Variants in SHCBP1L observed in about 807,000 individuals in gnomAD.
SHCBP1L encodes the protein SHC binding and spindle associated 1 like.
In SHCBP1L, 67 loss-of-function variants were observed where a neutral mutation model predicts 62.5. The ratio of observed to expected loss-of-function variants is 1.07; its 90% CI spans 0.88 to 1.31. The LOEUF (loss-of-function observed/expected upper bound fraction) is 1.31, where lower values mean the gene tolerates loss of function less well. Among genes scored for constraint, SHCBP1L ranks in the 40% most tolerant of loss-of-function variants. The probability of loss-of-function intolerance (pLI) is 0.00; values close to 1 mark genes in which losing one functional copy is unlikely to be tolerated. For missense variants in SHCBP1L, 823 were observed against 809.8 expected, an observed-to-expected ratio of 1.02 and a Z score of -0.20; for synonymous variants, 284 against 289.4, an observed-to-expected ratio of 0.98 and a Z score of 0.19.
rs776543698 is a variant in SHCBP1L at position 182,939,303 on chromosome 1, G to T, written c.949C>A (p.Leu317Ile). The T allele has an allele frequency of 1.9e-6, 3 of 1,613,902 alleles. No homozygotes were observed. The highest frequency in any genetic ancestry group is 2.5e-6 in the Non-Finnish European group (3 of 1,179,930). Reference sequence around the variant, plus strand: ...TTAATATTGCTCTGATACTCAATGAGCTCGACACGTTTGTTTTTATATTTC... The same window carrying T: ...TTAATATTGCTCTGATACTCAATGATCTCGACACGTTTGTTTTTATATTTC... Reference protein sequence around the residue: ...LEKYKNKRVELIEYQSNIKED... With the variant: ...LEKYKNKRVEIIEYQSNIKED... Residue 317 changes from leucine to isoleucine, a missense_variant, in exon 5 of 10, where the codon CTC becomes ATC. By Grantham distance (5) the Leu-to-Ile change is conservative. Coordinates refer to ENST00000367547, the MANE Select transcript of SHCBP1L (RefSeq NM_030933.4).
chr1:182,947,708 A>G (rs1275760157), intron 2 of SHCBP1L, among the ~76,000 whole-genome samples: 1 of 152,184 alleles, frequency 6.6e-6, no homozygotes, highest in Non-Finnish European at 1.5e-5. Flanking sequence ...AATGAATAGT[A>G]AATATATTTT....
At chr1:182,948,036 T>A (rs1334811711) in intron 2 of SHCBP1L, among the ~76,000 whole-genome samples, 1 of 152,242 alleles carries the variant, frequency 6.6e-6, no homozygotes, top group East Asian at 1.9e-4. Flanking sequence ...AAGAATATAG[T>A]GTTTATCATA....
chr1:182,940,138 G>A (rs1651307090), intron 3 of SHCBP1L, among the ~76,000 whole-genome samples, 191 bp downstream of exon 3: 1 of 152,016 alleles, frequency 6.6e-6, no homozygotes, highest in Admixed American at 6.6e-5. Flanking sequence ...CATATATAAT[G>A]TTTCTGCAAG....
At chr1:182,940,295 T>C (rs1651313652) in intron 3 of SHCBP1L, 34 bp downstream of exon 3, 4 of 1,554,760 alleles carry the variant, frequency 2.6e-6, no homozygotes, top group Non-Finnish European at 3.5e-6. Flanking sequence ...TTGGATATAA[T>C]AAATTTAATT....
At chr1:182,937,520 G>A (rs4132813) in intron 5 of SHCBP1L, among the ~76,000 whole-genome samples, 38,567 of 151,994 alleles carry the variant, frequency 0.25, 5,643 homozygotes, top group Non-Finnish European at 0.33. Flanking sequence ...ATCCTGTTTG[G>A]TGTTCTCTGA....
At chr1:182,901,031 T>C (rs1649817609) in intron 9 of SHCBP1L, among the ~76,000 whole-genome samples, 1 of 152,174 alleles carries the variant, frequency 6.6e-6, no homozygotes, top group African/African-American at 2.4e-5. Flanking sequence ...TTTCAAATAA[T>C]ATGTGATTTG....
chr1:182,941,466 C>T (rs906905758), intron 2 of SHCBP1L, among the ~76,000 whole-genome samples: 2 of 152,028 alleles, frequency 1.3e-5, no homozygotes, highest in African/African-American at 4.8e-5. Context: ...AGCAAATTTT[C>T]TTTAAGAGGC....
At position 182,904,221 on chromosome 1, in the gene SHCBP1L, C is replaced by T. The variant is rs1465712531; in HGVS notation, c.1546G>A (p.Ala516Thr). 6.2e-7 allele frequency: 1 copy of T among 1,614,112 alleles called. No homozygotes were observed. The highest frequency in any genetic ancestry group is 1.1e-5 in the South Asian group (1 of 91,074). Residue 516 changes from alanine (A) to threonine (T), a missense_variant, in exon 8 of 10, where the codon GCT (alanine) becomes ACT (threonine). Transcript: ENST00000367547. ...EGTGVCVLTG[A>T]ALTITDSEIT... is the part of the protein sequence containing the mutation. ...TCACTGTCTGTAATTGTCAAAGCAG[C>T]CCCTGTAAGAACACACACTCCTGTT...
chr1:182,942,261 T>G, intron 2 of SHCBP1L: 1 of 1,345,336 alleles, frequency 7.4e-7, no homozygotes, highest in Admixed American at 1.7e-5. Flanking sequence ...TGCACTTTTT[T>G]GTCTGAAGAT....
chr1:182,907,854 C>T (rs897543863), intron 6 of SHCBP1L, among the ~76,000 whole-genome samples: 2 of 152,102 alleles, frequency 1.3e-5, no homozygotes, highest in African/African-American at 4.8e-5. Context: ...GCTGGGATTA[C>T]AGGCGTGAGC....
At chr1:182,911,105 G>T (rs530541634) in intron 6 of SHCBP1L, among the ~76,000 whole-genome samples, 1 of 152,090 alleles carries the variant, frequency 6.6e-6, no homozygotes, top group African/African-American at 2.4e-5. Context: ...GGCCAGGCTG[G>T]TCTCAAACTC....
intron 6 of SHCBP1L, among the ~76,000 whole-genome samples, chr1:182,918,199 TACATATATATAC>T (rs1306421209): frequency 2.2e-4 from 33 of 147,422 alleles, no homozygotes; most frequent in East Asian, 3.9e-4. Context: ...CACATATATA[TACATATATATAC>T]ACATATATAT....
intron 9 of SHCBP1L, among the ~76,000 whole-genome samples, chr1:182,902,061 CTTTTTTTTTT>C (rs1156301250): frequency 1.6e-5 from 2 of 127,576 alleles, no homozygotes; most frequent in East Asian, 2.2e-4. Context: ...CTTTTTTTTT[CTTTTTTTTTT>C]TTTTTTTGAG....
chr1:182,933,874 T>C (rs1651086750), intron 5 of SHCBP1L, among the ~76,000 whole-genome samples: 1 of 152,208 alleles, frequency 6.6e-6, no homozygotes, highest in Non-Finnish European at 1.5e-5. Flanking sequence ...TGTTACCTTT[T>C]ATTTTCTGGA....
At chr1:182,921,025 T>C (rs1478033890) in intron 6 of SHCBP1L, among the ~76,000 whole-genome samples, 3 of 151,690 alleles carry the variant, frequency 2.0e-5, no homozygotes, top group African/African-American at 4.8e-5. Context: ...AAAAGCAGAG[T>C]ACCCCTATGA....
chr1:182,943,590 G>T (rs575145845), intron 2 of SHCBP1L, among the ~76,000 whole-genome samples: 8 of 151,570 alleles, frequency 5.3e-5, no homozygotes, highest in Middle Eastern at 3.4e-3. Flanking sequence ...GGGATTACAG[G>T]CATGCACCAC....
At chr1:182,901,049 T>A (rs1222259428) in intron 9 of SHCBP1L, among the ~76,000 whole-genome samples, 1 of 152,006 alleles carries the variant, frequency 6.6e-6, no homozygotes, top group African/African-American at 2.4e-5. Flanking sequence ...TTGGAGAAAA[T>A]AAGGTAATGT....
intron 2 of SHCBP1L, among the ~76,000 whole-genome samples, chr1:182,944,121 AAAATAAATAAAT>A (rs147108848): frequency 3.7e-5 from 5 of 134,084 alleles, no homozygotes; most frequent in South Asian, 2.5e-4. Flanking sequence ...ACTACTTCTC[AAAATAAATAAAT>A]AAATAAATAA....
At chr1:182,948,194 C>T (rs1423455449) in intron 2 of SHCBP1L, among the ~76,000 whole-genome samples, 3 of 152,116 alleles carry the variant, frequency 2.0e-5, no homozygotes, top group Non-Finnish European at 4.4e-5. Context: ...CAGGAGTCAA[C>T]ACTATGTTTC....
Sources: allele counts gnomAD v4.1 joint callset (sites outside exome capture counted in the v4.1 genomes callset), GRCh38; gene constraint gnomAD v4.1.1; transcripts MANE v1.5; gene names NCBI Gene and HGNC (gene_info 2026-07-23, HGNC 2026-07-21).